SLC35C1: variants seen among roughly 807,000 people sequenced by gnomAD.
SLC35C1 encodes the protein solute carrier family 35 member C1, also known as GDP-fucose transporter 1.
In SLC35C1, 8 loss-of-function variants were observed where a neutral mutation model predicts 23.2. That is an observed-to-expected ratio of 0.35 (90% CI 0.20 to 0.62). The LOEUF is 0.62. Among genes scored for constraint, SLC35C1 ranks in the 20% least tolerant of loss-of-function variants. The pLI, the probability that SLC35C1 is intolerant of heterozygous loss-of-function variation, is 0.75. For missense variants in SLC35C1, 422 were observed against 478.6 expected, an observed-to-expected ratio of 0.88 and a Z score of 1.10; for synonymous variants, 226 against 225.1, an observed-to-expected ratio of 1.00 and a Z score of -0.04.
Position 45,811,883 on chromosome 11 carries a change from G to C in SLC35C1, c.*548G>C, listed in dbSNP as rs1423368603. On this transcript the variant is annotated 3_prime_UTR_variant, in exon 2 of 2. Transcript: ENST00000314134. ...GCCTGGACTGAGGGAGGAAATGAGCGAGTTCCCTCTGACACCAGCAGATCC... is the reference window on the plus strand; with the variant it reads ...GCCTGGACTGAGGGAGGAAATGAGCCAGTTCCCTCTGACACCAGCAGATCC... 1 of 154,084 alleles carries C rather than the reference G, an allele frequency of 6.5e-6. No individual in the cohort carries two copies. Among genetic ancestry groups the C allele is most frequent in the African/African-American group, 2.4e-5 (1 of 41,460 alleles). The allele number at this position is 154,084 out of a possible 1,614,324, so 9.5% of individuals were successfully genotyped here.
chr11:45,810,411 G>A, intron 1 of SLC35C1: 1 of 985,408 alleles, frequency 1.0e-6, no homozygotes, highest in East Asian at 1.1e-4. Flanking sequence ...AGATGCCCCA[G>A]GCCAGCACAG....
rs150215024 is a variant in SLC35C1, at chr11:45,806,055, C to T, written c.254C>T (p.Thr85Met). ...FVTFYQCLVT[T>M]LLCKGLSALA... Reference sequence around the variant, plus strand: ...ACCTTCTACCAGTGCCTGGTGACCACGCTGCTGTGCAAAGGCCTCAGCGCT... The same window carrying T: ...ACCTTCTACCAGTGCCTGGTGACCATGCTGCTGTGCAAAGGCCTCAGCGCT... The change falls in exon 1 of 2, where the codon ACG becomes ATG. Residue 85 changes from threonine (T) to methionine (M), a missense_variant. Thr to Met is a moderately conservative substitution (Grantham distance 81). Transcript: ENST00000314134. The T allele has an allele frequency of 1.1e-4, 172 of 1,613,332 alleles. No individual in the cohort carries two copies. In the African/African-American group the frequency reaches 2.0e-3, roughly 19 times the overall value.
At chr11:45,809,725 TA>T in intron 1 of SLC35C1, 4 of 984,624 alleles carry the variant, frequency 4.1e-6, no homozygotes, top group Non-Finnish European at 4.8e-6. Context: ...GATTGGAGGC[TA>T]AATCCCTCTG....
At chr11:45,806,818 T>A (rs1389987294) in intron 1 of SLC35C1, 8 of 844,484 alleles carry the variant, frequency 9.5e-6, no homozygotes, top group African/African-American at 3.7e-5. Flanking sequence ...TTATTGTTTC[T>A]CAAGAGCTCA....
chr11:45,805,799 A>C lies in SLC35C1; in HGVS notation c.-3A>C. 1 of 1,612,724 alleles carries C rather than the reference A, an allele frequency of 6.2e-7. No individual in the cohort carries two copies. The highest frequency in any genetic ancestry group is 8.5e-7 in the Non-Finnish European group (1 of 1,179,928). On this transcript the variant is annotated 5_prime_UTR_variant, in exon 1 of 2. Coordinates refer to ENST00000314134, the MANE Select transcript of SLC35C1 (RefSeq NM_018389.5). ...CGCGGGGTGACCCAGCTCCTCTGCTACCATGAATAGGGCCCCTCTGAAGCG... is the reference window on the plus strand; with the variant it reads ...CGCGGGGTGACCCAGCTCCTCTGCTCCCATGAATAGGGCCCCTCTGAAGCG...
rs976913252 is a variant in SLC35C1, at chr11:45,810,451, T to C, written c.536-325T>C. The C allele has an allele frequency of 9.1e-6, 9 of 985,336 alleles. No homozygotes were observed. The African/African-American group carries it at 1.4e-4, about 15-fold the overall frequency. The allele number at this position is 985,336 out of a possible 1,614,324, so 61.0% of individuals were successfully genotyped here. On this transcript the variant is annotated intron_variant, in intron 1 of 1. Coordinates refer to ENST00000314134, the MANE Select transcript of SLC35C1 (RefSeq NM_018389.5). Reference sequence around the variant, plus strand: ...CCACTTACAGGCTCTCACAGCACCTTGTACTACTTTATGGACCTCATTACA... The same window carrying C: ...CCACTTACAGGCTCTCACAGCACCTCGTACTACTTTATGGACCTCATTACA...
intron 1 of SLC35C1, chr11:45,809,707 C>T (rs1049347952): frequency 2.1e-6 from 2 of 973,114 alleles, no homozygotes; most frequent in Non-Finnish European, 2.4e-6. Context: ...TTCTAAATTG[C>T]AGAGCCTGAT....
Position 45,812,418 on chromosome 11 carries a change from A to G in SLC35C1, c.*1083A>G, listed in dbSNP as rs2085958409. The G allele has an allele frequency of 1.0e-5, 4 of 390,096 alleles. No homozygotes were observed. Among genetic ancestry groups the G allele is most frequent in the Non-Finnish European group, 2.1e-5 (4 of 194,662 alleles). The allele number at this position is 390,096 out of a possible 1,614,324, so 24.2% of individuals were successfully genotyped here. A position where few individuals can be genotyped will look rare whatever the true frequency, so the allele number is the denominator to read the frequency against. ...CCCACTGTTAGTCCAGCGAGCTCCT[A>G]TATCAAAATGCCGTAGGCCGGGTGG... On this transcript the variant is annotated 3_prime_UTR_variant, in exon 2 of 2. Coordinates refer to ENST00000314134, the MANE Select transcript of SLC35C1 (RefSeq NM_018389.5).
In SLC35C1 at chr11:45,805,206, G is replaced by C. The variant is rs2085855361; in HGVS notation, c.-596G>C. The C allele has an allele frequency of 1.0e-6, 1 of 991,864 alleles. No individual in the cohort carries two copies. The highest frequency in any genetic ancestry group is 1.7e-5 in the African/African-American group (1 of 57,228). 61.4% of individuals were successfully genotyped at this position (991,864 alleles called of 1,614,324 possible). On this transcript the variant is annotated 5_prime_UTR_variant, in exon 1 of 2. Coordinates refer to ENST00000314134, the MANE Select transcript of SLC35C1 (RefSeq NM_018389.5). Reference sequence around the variant, plus strand: ...GCGACAGAGCCCGGGAAGGCAGCGAGACGTGGGCGCCGGCCCAGCCCCCTC... The same window carrying C: ...GCGACAGAGCCCGGGAAGGCAGCGACACGTGGGCGCCGGCCCAGCCCCCTC...
Position 45,805,233 on chromosome 11 carries a change from C to T in SLC35C1, c.-569C>T, listed in dbSNP as rs886048307. On this transcript the variant is annotated 5_prime_UTR_variant, in exon 1 of 2. Transcript: ENST00000314134. ...CGTGGGCGCCGGCCCAGCCCCCTCCCGCGTCCTTCAGCCCCAAGCCCCGAG... is the reference window on the plus strand; with the variant it reads ...CGTGGGCGCCGGCCCAGCCCCCTCCTGCGTCCTTCAGCCCCAAGCCCCGAG... The T allele has an allele frequency of 7.6e-5, 76 of 995,768 alleles. No individual in the cohort carries two copies. Among genetic ancestry groups the T allele is most frequent in the Non-Finnish European group, 7.7e-5 (64 of 835,376 alleles). 61.7% of individuals were successfully genotyped at this position (995,768 alleles called of 1,614,324 possible).
chr11:45,810,822 G>A lies in SLC35C1; in HGVS notation c.582G>A (p.Leu194=). The part of the protein sequence containing the change: ...GVDQEGAEGT[L]SWLGTVFGVL... ...ACCAGGAGGGGGCAGAAGGCACCCT[G>A]TCGTGGCTGGGCACCGTCTTCGGCG... Residue 194 remains leucine (L), a synonymous_variant, in exon 2 of 2, where the codon CTG becomes CTA. Coordinates refer to ENST00000314134, the MANE Select transcript of SLC35C1 (RefSeq NM_018389.5). 6.2e-7 allele frequency: 1 copy of A among 1,612,934 alleles called. No homozygotes were observed.
chr11:45,805,858 C>T lies in SLC35C1; in HGVS notation c.57C>T (p.Ala19=), dbSNP rs2085865312. 2 of 1,614,018 alleles carry T rather than the reference C, an allele frequency of 1.2e-6. No individual in the cohort carries two copies. Among genetic ancestry groups the T allele is most frequent in the Non-Finnish European group, 1.7e-6 (2 of 1,180,040 alleles). The stretch of plus-strand genomic sequence containing the variant: ...TCCTGCACATGGCGCTGACCGGGGC[C>T]TCAGACCCCTCTGCAGAGGCAGAGG... ...SRILHMALTG[A]SDPSAEAEAN... Residue 19 remains alanine, a synonymous_variant, in exon 1 of 2, where the codon GCC becomes GCT. Transcript: ENST00000314134.
At chr11:45,807,003 G>A (rs1340430839) in intron 1 of SLC35C1, 3 of 578,676 alleles carry the variant, frequency 5.2e-6, no homozygotes, top group Non-Finnish European at 6.5e-6. Flanking sequence ...ATTATTGATG[G>A]GGAAATTATG....
At position 45,806,201 on chromosome 11, in the gene SLC35C1, T is replaced by C. The variant is rs765314110; in HGVS notation, c.400T>C (p.Cys134Arg). ...FIGMITFNNL[C>R]LKYVGVAFYN... ...CGGCATGATCACCTTCAATAACCTCTGCCTCAAGTACGTCGGTGTGGCCTT... is the reference window on the plus strand; with the variant it reads ...CGGCATGATCACCTTCAATAACCTCCGCCTCAAGTACGTCGGTGTGGCCTT... Residue 134 changes from cysteine (C) to arginine (R), a missense_variant, in exon 1 of 2, where the codon TGC (cysteine) becomes CGC (arginine). By Grantham distance (180) the Cys-to-Arg change is radical (BLOSUM62 -3). Coordinates refer to ENST00000314134, the MANE Select transcript of SLC35C1 (RefSeq NM_018389.5). 1.2e-6 allele frequency: 2 copies of C among 1,605,614 alleles called. No homozygotes were observed. The highest frequency in any genetic ancestry group is 1.7e-5 in the Admixed American group (1 of 60,020).
chr11:45,806,938 A>G (rs1457191495), intron 1 of SLC35C1: 5 of 982,902 alleles, frequency 5.1e-6, no homozygotes, highest in Non-Finnish European at 6.0e-6. Context: ...GTAGCAAGCA[A>G]TATGCTTTGA....
rs1346377266 is a variant in SLC35C1, at chr11:45,810,925, C to T, written c.685C>T (p.Arg229Cys). Residue 229 changes from arginine to cysteine, a missense_variant, in exon 2 of 2, where the codon CGC becomes TGC. Arg to Cys is a radical substitution (Grantham distance 180, BLOSUM62 -3). Transcript: ENST00000314134. ...VLPAVDGSIW[R>C]LTFYNNVNAC... ...CCCGGCGGTGGACGGCAGCATCTGGCGCCTGACTTTCTACAACAACGTCAA... is the reference window on the plus strand; with the variant it reads ...CCCGGCGGTGGACGGCAGCATCTGGTGCCTGACTTTCTACAACAACGTCAA... 1 of 1,612,428 alleles carries T rather than the reference C, an allele frequency of 6.2e-7. No homozygotes were observed. Among genetic ancestry groups the T allele is most frequent in the Non-Finnish European group, 8.5e-7 (1 of 1,180,032 alleles).
At chr11:45,806,891 C>T (rs1261790551) in intron 1 of SLC35C1, 2 of 985,134 alleles carry the variant, frequency 2.0e-6, no homozygotes, top group Admixed American at 6.1e-5. Flanking sequence ...ATAAATATAC[C>T]ATCACTCTCT....
rs759978339 is a variant in SLC35C1, at chr11:45,810,766, C to G, written c.536-10C>G. On this transcript the variant is annotated splice_polypyrimidine_tract_variant and intron_variant, in intron 1 of 1. Coordinates refer to ENST00000314134, the MANE Select transcript of SLC35C1 (RefSeq NM_018389.5). Reference sequence around the variant, plus strand: ...CTCACCCTTCCCCACTCCTCCTCTCCCCACTGCAGGGGGCTTCTGGCTTGG... The same window carrying G: ...CTCACCCTTCCCCACTCCTCCTCTCGCCACTGCAGGGGGCTTCTGGCTTGG... The G allele has an allele frequency of 1.2e-6, 2 of 1,607,712 alleles. No individual in the cohort carries two copies. Among genetic ancestry groups the G allele is most frequent in the Non-Finnish European group, 1.7e-6 (2 of 1,176,532 alleles).
Position 45,805,726 on chromosome 11 carries a change from G to A in SLC35C1, c.-76G>A. On this transcript the variant is annotated 5_prime_UTR_variant, in exon 1 of 2. Transcript: ENST00000314134. ...GAGGGCTGCGGCTTCCTTGCGGAGA[G>A]CACAAGTGAGCTCACTGCCCTGGAC... 1 of 1,599,494 alleles carries A rather than the reference G, an allele frequency of 6.3e-7. No individual in the cohort carries two copies. Among genetic ancestry groups the A allele is most frequent in the Non-Finnish European group, 8.5e-7 (1 of 1,179,488 alleles).
Sources: allele counts gnomAD v4.1 joint callset, GRCh38; gene constraint gnomAD v4.1.1; transcripts MANE v1.5; gene names NCBI Gene and HGNC (gene_info 2026-07-23, HGNC 2026-07-21).